Variants in TMPRSS15 observed in about 807,000 individuals in gnomAD.
TMPRSS15 encodes the protein enteropeptidase.
A neutral mutation model predicts 125.3 loss-of-function variants in TMPRSS15; 128 were observed. The ratio of observed to expected loss-of-function variants is 1.02; its 90% CI spans 0.89 to 1.18. The LOEUF (loss-of-function observed/expected upper bound fraction) is 1.18, where lower values mean the gene tolerates loss of function less well. Among genes scored for constraint, TMPRSS15 ranks in the 50% most tolerant of loss-of-function variants. The pLI, the probability that TMPRSS15 is intolerant of heterozygous loss-of-function variation, is 0.00. For synonymous variants in TMPRSS15, 446 were observed against 423.2 expected (o/e 1.05, Z -0.66); for missense variants, 1,283 against 1,212.7 (o/e 1.06, Z -0.86).
At chr21:18,396,936 C>T (rs2076047101) in intron 3 of TMPRSS15, among the ~76,000 whole-genome samples, 1 of 151,832 alleles carries the variant, frequency 6.6e-6, no homozygotes, top group Admixed American at 6.6e-5. Context: ...TCTGTTTTAC[C>T]TAACCTTCTG....
chr21:18,406,802 G>A (rs538201445), upstream of TMPRSS15, among the ~76,000 whole-genome samples: 45 of 151,902 alleles, frequency 3.0e-4, no homozygotes, highest in Non-Finnish European at 4.7e-4. Flanking sequence ...TTAAATCTGG[G>A]ACAAGTAGAC....
intron 1 of TMPRSS15, among the ~76,000 whole-genome samples, chr21:18,483,998 A>T (rs1984993403): frequency 6.6e-6 from 1 of 151,940 alleles, no homozygotes; most frequent in African/African-American, 2.4e-5. Context: ...CACACAGAAT[A>T]CATTACTAGG....
intron 21 of TMPRSS15, among the ~76,000 whole-genome samples, chr21:18,290,522 G>A (rs2074821327): frequency 1.3e-5 from 2 of 149,858 alleles, no homozygotes. Flanking sequence ...TCAAATAGAA[G>A]AATTTTCCTA....
chr21:18,310,481 C>T (rs1446809751), intron 18 of TMPRSS15, among the ~76,000 whole-genome samples: 1 of 151,576 alleles, frequency 6.6e-6, no homozygotes, highest in Non-Finnish European at 1.5e-5. Flanking sequence ...AAAACAAACA[C>T]CTAGAAATAA....
chr21:18,272,446 C>T (rs1441129529), intron 24 of TMPRSS15, among the ~76,000 whole-genome samples: 5 of 152,060 alleles, frequency 3.3e-5, no homozygotes, highest in East Asian at 1.9e-4. Context: ...GCATGGGACC[C>T]GGTGCGGTGG....
intron 1 of TMPRSS15, among the ~76,000 whole-genome samples, chr21:18,463,068 A>G (rs2123276313): frequency 6.6e-6 from 1 of 152,046 alleles, no homozygotes; most frequent in African/African-American, 2.4e-5. Flanking sequence ...TTAATTTAAC[A>G]ATATTAAACT....
At chr21:18,321,347 T>A (rs1418563771) in intron 16 of TMPRSS15, among the ~76,000 whole-genome samples, 2 of 105,852 alleles carry the variant, frequency 1.9e-5, no homozygotes, top group East Asian at 2.7e-4. Flanking sequence ...ATTTTTTTCC[T>A]TCTTTTTTTT....
intron 1 of TMPRSS15, among the ~76,000 whole-genome samples, chr21:18,430,512 G>T (rs985170542): frequency 5.9e-5 from 9 of 151,940 alleles, no homozygotes; most frequent in Admixed American, 3.3e-4. Flanking sequence ...CCAAAACTGG[G>T]CATTTTTCAG....
chr21:18,343,945 T>C lies in TMPRSS15; in HGVS notation c.1277+10A>G, dbSNP rs966127255. ...AAAAGACAGCGTTTAAACAGGTGTC[T>C]ACAACATACCAGAAACTAAGGCAAG... On this transcript the variant is annotated intron_variant, in intron 11 of 24. Transcript: ENST00000284885. The C allele has an allele frequency of 6.2e-7, 1 of 1,612,168 alleles. No homozygotes were observed. The highest frequency in any genetic ancestry group is 8.5e-7 in the Non-Finnish European group (1 of 1,178,342).
chr21:18,380,196 C>CACACACACACAT (rs1405802055), intron 4 of TMPRSS15, among the ~76,000 whole-genome samples: 19 of 151,630 alleles, frequency 1.3e-4, no homozygotes, highest in African/African-American at 4.6e-4. Context: ...CACACACACA[C>CACACACACACAT]ACACACACAC....
At chr21:18,462,400 T>A (rs1473369510) in intron 1 of TMPRSS15, among the ~76,000 whole-genome samples, 1 of 152,084 alleles carries the variant, frequency 6.6e-6, no homozygotes, top group Non-Finnish European at 1.5e-5. Context: ...TAACTACCTG[T>A]CCAATAAAGG....
chr21:18,397,884 T>C lies in TMPRSS15; in HGVS notation c.339A>G (p.Gln113=), dbSNP rs1367354566. The change falls in exon 3 of 25, where the codon CAA becomes CAG. Residue 113 remains glutamine, a synonymous_variant. Transcript: ENST00000284885. ...KNEYKNSRVL[Q]FENGSIIVVF... ...AATTTTTGAGCTATACTCACTCAAA[T>C]TGTAAAACTCTTGAGTTCTTATATT... 8 of 1,539,390 alleles carry C rather than the reference T, an allele frequency of 5.2e-6. No homozygotes were observed. The highest frequency in any genetic ancestry group is 1.4e-5 in the African/African-American group (1 of 72,960).
chr21:18,328,360 T>C (rs1346452722), intron 15 of TMPRSS15, among the ~76,000 whole-genome samples: 2 of 152,216 alleles, frequency 1.3e-5, no homozygotes, highest in Non-Finnish European at 2.9e-5. Flanking sequence ...TAATAAAATG[T>C]AAAGTAAAAC....
In TMPRSS15 at chr21:18,323,290, A is replaced by G. The variant is rs765338637; in HGVS notation, c.1921+3142T>C. Among the ~76,000 whole-genome samples the G allele has an allele frequency of 2.6e-4, 39 of 152,324 alleles. No homozygotes were observed. In the Middle Eastern group the frequency reaches 0.01, roughly 40 times the overall value. ...CTAGGTAATTTATATGAAAAAGGAG[A>G]ATTAATGGACTTGCTGTTCCACAGG... is the stretch of plus-strand genomic sequence containing the variant. On this transcript the variant is annotated intron_variant, in intron 16 of 24. Transcript: ENST00000284885.
In TMPRSS15 at chr21:18,343,654, T is replaced by C. The variant is rs1173172291; in HGVS notation, c.1280A>G (p.Tyr427Cys). The stretch of plus-strand genomic sequence containing the variant: ...ATGGACATTTTCACCATACATATGA[T>C]ACCTAGTTTGGAAAGAAGCAAAAAT... ...TLEPACLSFW[Y>C]HMYGENVHKL... The change falls in exon 12 of 25, where the codon TAT becomes TGT. Residue 427 changes from tyrosine (Y) to cysteine (C), a missense_variant and splice_region_variant. By Grantham distance (194) the Tyr-to-Cys change is radical (BLOSUM62 -2). Transcript: ENST00000284885. 3.1e-6 allele frequency: 5 copies of C among 1,613,452 alleles called. No individual in the cohort carries two copies. The highest frequency in any genetic ancestry group is 3.4e-6 in the Non-Finnish European group (4 of 1,179,660).
At chr21:18,440,876 A>G (rs890525500) in intron 1 of TMPRSS15, among the ~76,000 whole-genome samples, 1 of 152,208 alleles carries the variant, frequency 6.6e-6, no homozygotes. Flanking sequence ...TAGTTGTTGG[A>G]CTTTTTCTGC....
intron 1 of TMPRSS15, among the ~76,000 whole-genome samples, chr21:18,441,362 T>C (rs1307530590): frequency 1.3e-5 from 2 of 151,694 alleles, no homozygotes; most frequent in Non-Finnish European, 2.9e-5. Context: ...ATCCCAGCAC[T>C]TTGGGAGGCC....
intron 22 of TMPRSS15, 109 bp from the exon 23 acceptor site, chr21:18,279,168 A>C (rs1378429654): frequency 2.9e-6 from 2 of 696,870 alleles, no homozygotes; most frequent in Non-Finnish European, 5.0e-6. Flanking sequence ...TCTAAAAAAC[A>C]TGTATTTTTT....
At chr21:18,362,688 G>A (rs2075689210) in intron 7 of TMPRSS15, among the ~76,000 whole-genome samples, 2 of 152,096 alleles carry the variant, frequency 1.3e-5, no homozygotes, top group South Asian at 2.1e-4. Flanking sequence ...TATTGTGTCA[G>A]TAGTTAATAT....
Sources: gnomAD v4.1 joint callset for allele counts (sites outside exome capture counted in the v4.1 genomes callset) on GRCh38, gnomAD v4.1.1 for gene constraint, MANE v1.5 for transcripts, NCBI Gene and HGNC (gene_info 2026-07-23, HGNC 2026-07-21) for gene names.